The following SH3TC1 variants were observed in gnomAD, a reference collection of about 807,000 sequenced individuals.
SH3TC1 encodes the protein SH3 domain and tetratricopeptide repeat-containing protein 1.
SH3TC1 carries 135 observed loss-of-function variants against 117.3 expected under a neutral mutation model. That is an observed-to-expected ratio of 1.15 (90% CI 1.00 to 1.33). The LOEUF is 1.33. Among genes scored for constraint, SH3TC1 ranks in the 40% most tolerant of loss-of-function variants. The pLI, the probability that SH3TC1 is intolerant of heterozygous loss-of-function variation, is 0.00. For synonymous variants in SH3TC1, 898 were observed against 816.9 expected (o/e 1.10, Z -1.69); for missense variants, 2,092 against 1,794.3 (o/e 1.17, Z -3.00).
chr4:8,232,040 G>C lies in SH3TC1; in HGVS notation c.3015G>C (p.Gln1005His), dbSNP rs1200566534. Residue 1005 changes from glutamine (Q) to histidine (H), a missense_variant, in exon 13 of 18, where the codon CAG becomes CAC. Coordinates refer to ENST00000245105, the MANE Select transcript of SH3TC1 (RefSeq NM_018986.5). Reference sequence around the variant, plus strand: ...GCGCCGTCATGCCCAGCGAGGCCCAGTGTGTCATCTACCATGAGCTCCAGC... The same window carrying C: ...GCGCCGTCATGCCCAGCGAGGCCCACTGTGTCATCTACCATGAGCTCCAGC... Reference protein sequence around the residue: ...FYSAVMPSEAQCVIYHELQLS... With the variant: ...FYSAVMPSEAHCVIYHELQLS... 3.1e-5 allele frequency: 50 copies of C among 1,613,302 alleles called. No individual in the cohort carries two copies. Among genetic ancestry groups the C allele is most frequent in the Non-Finnish European group, 4.0e-5 (47 of 1,180,032 alleles).
chr4:8,217,797 T>C (rs930930046), intron 7 of SH3TC1, among the ~76,000 whole-genome samples: 3 of 152,208 alleles, frequency 2.0e-5, no homozygotes, highest in Non-Finnish European at 4.4e-5. Context: ...GAAAGAGGGA[T>C]TGTCAGTCAT....
rs1320120434 is a variant in SH3TC1, at chr4:8,210,723, G to A, written c.247+901G>A. 1.7e-5 allele frequency among the ~76,000 whole-genome samples: 2 copies of A among 116,472 alleles called. No homozygotes were observed. The highest frequency in any genetic ancestry group is 6.6e-5 in the African/African-American group (2 of 30,210). 76.4% of individuals were successfully genotyped at this position (116,472 alleles called of 152,430 possible). ...GGTAGTGAGCCGAGATTGCGCCATTGCACTCCAGCCTGGGCAACTTCTGAA... is the reference window on the plus strand; with the variant it reads ...GGTAGTGAGCCGAGATTGCGCCATTACACTCCAGCCTGGGCAACTTCTGAA... On this transcript the variant is annotated intron_variant, in intron 3 of 17. Coordinates refer to ENST00000245105, the MANE Select transcript of SH3TC1 (RefSeq NM_018986.5). The surrounding 1 kb of genome is among the most constrained non-coding windows in gnomAD (Gnocchi z 4.1).
At chr4:8,226,869 G>A in intron 11 of SH3TC1, 111 bp from the exon 12 acceptor site, 2 of 725,258 alleles carry the variant, frequency 2.8e-6, no homozygotes, top group Non-Finnish European at 4.2e-6. Context: ...GTATCGTCTG[G>A]AAAGTGCTGC....
At position 8,216,957 on chromosome 4, in the gene SH3TC1, G is replaced by A; in HGVS notation, c.629G>A (p.Gly210Glu). Residue 210 changes from glycine to glutamate, a missense_variant and splice_region_variant, in exon 7 of 18, where the codon GGG becomes GAG. Gly to Glu is a moderately conservative substitution (Grantham distance 98). Coordinates refer to ENST00000245105, the MANE Select transcript of SH3TC1 (RefSeq NM_018986.5). ...AGTGACCACCTCCATCCTTTTGAAG[G>A]GCCCTTCTTTGTCCTGTGTCCTGAC... ...LTHESLLIQEGPFFVLCPDHH... is the reference protein window; with the variant it reads ...LTHESLLIQEEPFFVLCPDHH... The A allele has an allele frequency of 6.2e-7, 1 of 1,614,048 alleles. No individual in the cohort carries two copies. Among genetic ancestry groups the A allele is most frequent in the Non-Finnish European group, 8.5e-7 (1 of 1,179,972 alleles).
rs990414251 is a variant in SH3TC1 at position 8,231,845 on chromosome 4, C to G, written c.2951-131C>G. On this transcript the variant is annotated intron_variant, in intron 12 of 17. Transcript: ENST00000245105. ...TGTGCCCATGTCACGGTGTGCTCAG[C>G]GGTTCCCCGCCTGTGGGGCCCAGGC... The G allele has an allele frequency of 2.9e-6, 3 of 1,036,770 alleles. No homozygotes were observed. In the African/African-American group the frequency reaches 4.8e-5, roughly 16 times the overall value. 64.2% of individuals were successfully genotyped at this position (1,036,770 alleles called of 1,614,324 possible). A position where few individuals can be genotyped will look rare whatever the true frequency, so the allele number is the denominator to read the frequency against.
At chr4:8,238,979 CCCT>C (rs1722076449) in intron 17 of SH3TC1, among the ~76,000 whole-genome samples, 1 of 152,214 alleles carries the variant, frequency 6.6e-6, no homozygotes, top group Non-Finnish European at 1.5e-5. Flanking sequence ...CAAGGCCACA[CCCT>C]CCTCCTTGTG....
chr4:8,232,050 TAC>T lies in SH3TC1; in HGVS notation c.3026_3027del (p.Tyr1009SerfsTer2), dbSNP rs770649832. 1.5e-5 allele frequency: 24 copies of T among 1,613,338 alleles called. No individual in the cohort carries two copies. In the East Asian group the frequency reaches 5.1e-4, roughly 34 times the overall value. On this transcript the variant is annotated frameshift_variant, in exon 13 of 18. Transcript: ENST00000245105. LOFTEE classifies it high-confidence loss of function. ...GCCCAGCGAGGCCCAGTGTGTCATC[TAC>T]CATGAGCTCCAGCTCTCCCTGGCCT... ...VMPSEAQCVI[Y>X]HELQLSLACK...
chr4:8,238,203 G>C (rs1721994272), intron 17 of SH3TC1, among the ~76,000 whole-genome samples: 2 of 152,180 alleles, frequency 1.3e-5, no homozygotes, highest in Non-Finnish European at 2.9e-5. Context: ...AGGCAGGGTG[G>C]GGCGGGGCCG....
At chr4:8,187,973 G>A (rs968778693) in intron 1 of SH3TC1, among the ~76,000 whole-genome samples, 4 of 152,200 alleles carry the variant, frequency 2.6e-5, no homozygotes, top group Non-Finnish European at 5.9e-5. Context: ...CTTTGTCACA[G>A]TTCCATCATT....
Position 8,233,437 on chromosome 4 carries a change from A to T in SH3TC1, c.3206A>T (p.Glu1069Val), listed in dbSNP as rs895193641. The T allele has an allele frequency of 1.9e-6, 3 of 1,613,940 alleles. No individual in the cohort carries two copies. The highest frequency in any genetic ancestry group is 2.5e-6 in the Non-Finnish European group (3 of 1,179,922). The change falls in exon 14 of 18, where the codon GAG becomes GTG. Residue 1069 changes from glutamate (E) to valine (V), a missense_variant. Coordinates refer to ENST00000245105, the MANE Select transcript of SH3TC1 (RefSeq NM_018986.5). ...ATTGACCTCCAGAAGAAAGAGAAGG[A>T]GGCGCATGCCTGGCTGCAAGCAGGG... ...IFIDLQKKEKEAHAWLQAGKI... is the reference protein window; with the variant it reads ...IFIDLQKKEKVAHAWLQAGKI...
At position 8,227,628 on chromosome 4, in the gene SH3TC1, G is replaced by C; in HGVS notation, c.1934G>C (p.Gly645Ala). 8.5e-6 allele frequency: 13 copies of C among 1,525,644 alleles called. No individual in the cohort carries two copies. The highest frequency in any genetic ancestry group is 1.1e-5 in the Non-Finnish European group (13 of 1,139,814). 94.5% of individuals were successfully genotyped at this position (1,525,644 alleles called of 1,614,324 possible). A position where few individuals can be genotyped will look rare whatever the true frequency, so the allele number is the denominator to read the frequency against. The change falls in exon 12 of 18, where the codon GGG becomes GCG. Residue 645 changes from glycine to alanine, a missense_variant. Physicochemically the swap from Gly to Ala is moderately conservative, Grantham distance 60. Coordinates refer to ENST00000245105, the MANE Select transcript of SH3TC1 (RefSeq NM_018986.5). Reference sequence around the variant, plus strand: ...CACATCTGCAGCACCGAGGCGGAGGGGGAGCTCCTGCAGCTGGCGCTGCGG... The same window carrying C: ...CACATCTGCAGCACCGAGGCGGAGGCGGAGCTCCTGCAGCTGGCGCTGCGG... Reference protein sequence around the residue: ...PDHICSTEAEGELLQLALRRA... With the variant: ...PDHICSTEAEAELLQLALRRA...
upstream of SH3TC1, among the ~76,000 whole-genome samples, chr4:8,196,039 C>T (rs894269646): frequency 3.3e-5 from 5 of 152,358 alleles, no homozygotes; most frequent in East Asian, 7.7e-4. The surrounding 1 kb of genome is among the most constrained non-coding windows in gnomAD (Gnocchi z 4.6). Flanking sequence ...GCCTGTCGAG[C>T]GCAGCCCCTC....
At chr4:8,219,958 G>A (rs987199153) in intron 9 of SH3TC1, among the ~76,000 whole-genome samples, 11 of 152,170 alleles carry the variant, frequency 7.2e-5, no homozygotes, top group South Asian at 2.1e-4. Context: ...GGCCGTGGGC[G>A]TTCCTTGACC....
intron 1 of SH3TC1, among the ~76,000 whole-genome samples, chr4:8,185,648 CAG>C (rs1231674529): frequency 6.6e-6 from 1 of 152,232 alleles, no homozygotes; most frequent in African/African-American, 2.4e-5. Flanking sequence ...TGTTGGCACT[CAG>C]AGAAAGCCTT....
chr4:8,222,803 A>G (rs1720063007), intron 9 of SH3TC1, 37 bp from the exon 10 acceptor site: 2 of 1,596,330 alleles, frequency 1.3e-6, no homozygotes, highest in South Asian at 1.1e-5. Context: ...GACTTTGCAA[A>G]TATGTTGTTT....
At chr4:8,185,225 A>G (rs1717186474) in intron 1 of SH3TC1, among the ~76,000 whole-genome samples, 2 of 151,818 alleles carry the variant, frequency 1.3e-5, no homozygotes, top group South Asian at 4.2e-4. Context: ...AGTCGCAGCT[A>G]CTCAGGAGGC....
chr4:8,228,224 GC>G lies in SH3TC1; in HGVS notation c.2533del (p.Leu845TrpfsTer20), dbSNP rs1561711387. 1.2e-6 allele frequency: 2 copies of G among 1,609,014 alleles called. No homozygotes were observed. The highest frequency in any genetic ancestry group is 1.1e-5 in the South Asian group (1 of 90,708). The stretch of plus-strand genomic sequence containing the variant: ...CGTGCTTCATGGGCAGAGCCCGGTG[GC>G]CCTGGACATCCTGCAGTCTGTCCGG... The part of the protein sequence containing the change: ...LHVLHGQSPV[A>X]LDILQSVRDA... On this transcript the variant is annotated frameshift_variant, in exon 12 of 18. Transcript: ENST00000245105. LOFTEE classifies it high-confidence loss of function.
chr4:8,233,147 A>G, intron 13 of SH3TC1: 1 of 1,379,396 alleles, frequency 7.2e-7, no homozygotes, highest in Non-Finnish European at 9.4e-7. Flanking sequence ...GGGCAGCATG[A>G]TGCCCAGTTC....
intron 1 of SH3TC1, among the ~76,000 whole-genome samples, chr4:8,191,333 C>T (rs1434330665): frequency 6.6e-6 from 1 of 152,200 alleles, no homozygotes; most frequent in African/African-American, 2.4e-5. Flanking sequence ...CAGTTCCAGC[C>T]CAGGCACGAG....
Sources: allele counts gnomAD v4.1 joint callset (sites outside exome capture counted in the v4.1 genomes callset), GRCh38; gene constraint gnomAD v4.1.1; non-coding constraint Gnocchi (gnomAD v3.1); transcripts MANE v1.5; gene names NCBI Gene and HGNC (gene_info 2026-07-23, HGNC 2026-07-21).